Variants in DNAH7 observed in about 807,000 individuals in gnomAD.
DNAH7 encodes dynein axonemal heavy chain 7, also known as axonemal beta dynein heavy chain 7.
A neutral mutation model predicts 444.6 loss-of-function variants in DNAH7; 397 were observed. That is an observed-to-expected ratio of 0.89 (90% CI 0.82 to 0.97). The LOEUF (loss-of-function observed/expected upper bound fraction) is 0.97. Among genes scored for constraint, DNAH7 ranks in the 50% least tolerant of loss-of-function variants. The pLI is 0.00. For missense variants in DNAH7, 4,902 were observed against 4,800.8 expected (o/e 1.02, Z -0.62); for synonymous variants, 1,636 against 1,624.4 (o/e 1.01, Z -0.17).
rs756791528 is a variant in DNAH7, at chr2:196,012,944, C to A, written c.870-38G>T. 7.3e-6 allele frequency: 10 copies of A among 1,373,240 alleles called. No individual in the cohort carries two copies. In the African/African-American group the frequency reaches 1.5e-4, roughly 21 times the overall value. The allele number at this position is 1,373,240 out of a possible 1,614,324, so 85.1% of individuals were successfully genotyped here. ...AAAATAAACAGTAATTTAACAATGA[C>A]TTTTTTGGTATTTAATATTTTATTA... is the stretch of plus-strand genomic sequence containing the variant. On this transcript the variant is annotated intron_variant, in intron 9 of 64. Coordinates refer to ENST00000312428, the MANE Select transcript of DNAH7 (RefSeq NM_018897.3).
chr2:195,803,727 C>T (rs992335978), intron 54 of DNAH7, among the ~76,000 whole-genome samples: 1 of 152,172 alleles, frequency 6.6e-6, no homozygotes, highest in Non-Finnish European at 1.5e-5. Flanking sequence ...GCCAGAGAAA[C>T]ATATTAACTT....
chr2:196,061,374 A>G (rs1698125042), intron 1 of DNAH7, among the ~76,000 whole-genome samples: 1 of 152,068 alleles, frequency 6.6e-6, no homozygotes, highest in Non-Finnish European at 1.5e-5. Flanking sequence ...CCTATATTTG[A>G]TTTTTGCTCT....
chr2:195,960,168 T>C (rs565149424), intron 18 of DNAH7, 92 bp downstream of exon 18: 1 of 1,024,532 alleles, frequency 9.8e-7, no homozygotes, highest in South Asian at 1.7e-5. Flanking sequence ...TATGAAATAT[T>C]ATGTGTGAAA....
chr2:195,740,647 AT>A, intron 64 of DNAH7, 118 bp downstream of exon 64: 1 of 30,324 alleles, frequency 3.3e-5, no homozygotes, highest in Non-Finnish European at 6.5e-5. Context: ...ATATATATAC[AT>A]ATACACACAC....
Position 195,960,686 on chromosome 2 carries a change from G to A in DNAH7, c.2465C>T (p.Ala822Val). 3 of 1,614,118 alleles carry A rather than the reference G, an allele frequency of 1.9e-6. No individual in the cohort carries two copies. Among genetic ancestry groups the A allele is most frequent in the Non-Finnish European group, 2.5e-6 (3 of 1,180,002 alleles). Residue 822 changes from alanine (A) to valine (V), a missense_variant, in exon 18 of 65, where the codon GCA becomes GTA. Coordinates refer to ENST00000312428, the MANE Select transcript of DNAH7 (RefSeq NM_018897.3). ...CTTTGATCTTACTTTTTTTGTCATT[G>A]CCAATGCATATGGAGAATCATGAAA... ...KTFHDSPYAL[A>V]MTKKVRSKVE...
intron 5 of DNAH7, among the ~76,000 whole-genome samples, chr2:196,034,687 T>C (rs1274770151): frequency 6.6e-6 from 1 of 152,132 alleles, no homozygotes; most frequent in Non-Finnish European, 1.5e-5. Flanking sequence ...AATAAACACA[T>C]AGATCAATGG....
At chr2:195,754,193 A>C in intron 63 of DNAH7, 144 bp downstream of exon 63, 2 of 823,150 alleles carry the variant, frequency 2.4e-6, no homozygotes, top group Non-Finnish European at 3.6e-6. Context: ...TGCTCTCTGT[A>C]TCTCAATAAT....
chr2:195,759,537 C>T (rs1204249150), intron 61 of DNAH7, among the ~76,000 whole-genome samples: 1 of 152,050 alleles, frequency 6.6e-6, no homozygotes, highest in Non-Finnish European at 1.5e-5. Flanking sequence ...GGGGCTTTGA[C>T]TTGCAGCTTA....
intron 58 of DNAH7, among the ~76,000 whole-genome samples, chr2:195,780,185 T>C (rs922546007): frequency 3.9e-5 from 6 of 152,120 alleles, no homozygotes; most frequent in Non-Finnish European, 8.8e-5. Context: ...GGAAAATAAT[T>C]GATAATAAAA....
chr2:195,981,492 C>T (rs1175739563), intron 15 of DNAH7, among the ~76,000 whole-genome samples: 1 of 151,480 alleles, frequency 6.6e-6, no homozygotes, highest in Non-Finnish European at 1.5e-5. Flanking sequence ...CCGCAAAAAC[C>T]CCAGAATAGC....
intron 7 of DNAH7, among the ~76,000 whole-genome samples, chr2:196,025,965 G>A (rs1395321180): frequency 1.3e-5 from 2 of 152,136 alleles, no homozygotes; most frequent in South Asian, 2.1e-4. Context: ...CCTGACTCCA[G>A]GGATTTTAAT....
chr2:196,010,151 C>CCT (rs1458538732), intron 10 of DNAH7, among the ~76,000 whole-genome samples: 5 of 145,134 alleles, frequency 3.4e-5, no homozygotes, highest in Admixed American at 1.4e-4. Context: ...CTTTCTCTCT[C>CCT]TTTTTTTTTT....
chr2:195,788,961 A>G (rs1353557248), intron 57 of DNAH7, among the ~76,000 whole-genome samples: 1 of 152,228 alleles, frequency 6.6e-6, no homozygotes, highest in Non-Finnish European at 1.5e-5. Flanking sequence ...GAAAGAGTCA[A>G]GAAAATACAG....
Position 195,738,022 on chromosome 2 carries a change from G to A in DNAH7, c.11974C>T (p.His3992Tyr). Reference protein sequence around the residue: ...ERRGVLSTTGHSTNFVIAMTL... With the variant: ...ERRGVLSTTGYSTNFVIAMTL... ...ATGGCAATCACAAAATTCGTGGAAT[G>A]GCCAGTGGTGGATAATACTCCTCTC... The change falls in exon 65 of 65, where the codon CAT (histidine) becomes TAT (tyrosine). Residue 3992 changes from histidine (H) to tyrosine (Y), a missense_variant. His to Tyr is a moderately conservative substitution (Grantham distance 83). Coordinates refer to ENST00000312428, the MANE Select transcript of DNAH7 (RefSeq NM_018897.3). 1 of 1,614,072 alleles carries A rather than the reference G, an allele frequency of 6.2e-7. No homozygotes were observed. Among genetic ancestry groups the A allele is most frequent in the Non-Finnish European group, 8.5e-7 (1 of 1,179,930 alleles).
At chr2:195,994,427 A>G (rs1693558291) in intron 12 of DNAH7, 3 of 697,770 alleles carry the variant, frequency 4.3e-6, no homozygotes, top group Non-Finnish European at 7.3e-6. Context: ...TCTGCTGTAA[A>G]AAGTTGGCTG....
At chr2:195,822,761 T>C (rs747975088) in intron 49 of DNAH7, among the ~76,000 whole-genome samples, 9 of 152,230 alleles carry the variant, frequency 5.9e-5, no homozygotes, top group Non-Finnish European at 1.2e-4. Flanking sequence ...TGTGCGATAG[T>C]TCCACGTATT....
intron 3 of DNAH7, 69 bp from the exon 4 acceptor site, chr2:196,048,473 G>A (rs1216017427): frequency 3.1e-5 from 40 of 1,292,432 alleles, no homozygotes; most frequent in East Asian, 9.4e-5. Flanking sequence ...TGAAATGCAC[G>A]AGTGTTTATA....
chr2:195,870,899 C>G (rs1417795544), intron 40 of DNAH7, among the ~76,000 whole-genome samples: 1 of 152,166 alleles, frequency 6.6e-6, no homozygotes, highest in African/African-American at 2.4e-5. Flanking sequence ...AAGGCATGCT[C>G]CTTGAATGAA....
intron 49 of DNAH7, among the ~76,000 whole-genome samples, chr2:195,820,748 G>A (rs770897912): frequency 6.6e-6 from 1 of 152,124 alleles, no homozygotes; most frequent in Non-Finnish European, 1.5e-5. Context: ...ACCGAAATCT[G>A]AGGGTTTTTT....
Sources: allele counts gnomAD v4.1 joint callset (sites outside exome capture counted in the v4.1 genomes callset), GRCh38; gene constraint gnomAD v4.1.1; transcripts MANE v1.5; gene names NCBI Gene and HGNC (gene_info 2026-07-23, HGNC 2026-07-21).